Variants in FARP2 observed in about 807,000 individuals in gnomAD.
FARP2 encodes FERM, ARHGEF and pleckstrin domain-containing protein 2.
Under a neutral mutation model 130.5 loss-of-function variants are expected in FARP2, and 111 were observed. The ratio of observed to expected loss-of-function variants is 0.85; its 90% confidence interval spans 0.73 to 1.00. FARP2 has a LOEUF of 1.00. FARP2 is among the 50% of genes least tolerant of loss of function. FARP2 has a pLI of 0.00. For missense variants in FARP2, 1,385 were observed against 1,346.3 expected, an observed-to-expected ratio of 1.03 and a Z score of -0.45; for synonymous variants, 504 against 516.9, an observed-to-expected ratio of 0.98 and a Z score of 0.34.
chr2:241,492,966 A>ACAGT lies in FARP2; in HGVS notation c.2828_2831dup (p.His944GlnfsTer25). 1 of 1,613,070 alleles carries ACAGT rather than the reference A, an allele frequency of 6.2e-7. No individual in the cohort carries two copies. The highest frequency in any genetic ancestry group is 1.1e-5 in the South Asian group (1 of 91,060). The stretch of plus-strand genomic sequence containing the variant: ...GGATATCTGCTAAGAAAGTTCAAAA[A>ACAGT]CAGTCATGGCTGGCAGAAGCTCTGG... On this transcript the variant is annotated frameshift_variant, in exon 25 of 27. Coordinates refer to ENST00000264042, the MANE Select transcript of FARP2 (RefSeq NM_014808.4). LOFTEE classifies it high-confidence loss of function.
chr2:241,406,366 TTTA>T, intron 4 of FARP2, among the ~76,000 whole-genome samples: 2 of 149,130 alleles, frequency 1.3e-5, no homozygotes, highest in Non-Finnish European at 3.0e-5. Context: ...TCTCTCTCTC[TTTA>T]TATATATATA....
chr2:241,466,691 C>G, intron 17 of FARP2: 2 of 469,694 alleles, frequency 4.3e-6, no homozygotes, highest in Middle Eastern at 1.0e-3. Flanking sequence ...TTCCAACCAC[C>G]CCCCCCCCCA....
rs71406464 is a variant in FARP2 at position 241,486,287 on chromosome 2, CT to C, written c.2421+1978del. 9.0e-3 allele frequency among the ~76,000 whole-genome samples: 936 copies of C among 103,856 alleles called. 5 individuals are homozygous for C. Among genetic ancestry groups the C allele is most frequent in the African/African-American group, 0.024 (641 of 26,272 alleles). 68.1% of individuals were successfully genotyped at this position (103,856 alleles called of 152,430 possible). A position where few individuals can be genotyped will look rare whatever the true frequency, so the allele number is the denominator to read the frequency against. On this transcript the variant is annotated intron_variant, in intron 21 of 26. Transcript: ENST00000264042. ...ATGGCGAAGCCAAATCTCCAAAAAT[CT>C]TTTTTTTTTTTTTTTTTTTTTAATT...
chr2:241,366,142 C>CATATATATAT (rs2061315876), intron 1 of FARP2, among the ~76,000 whole-genome samples: 2 of 20,332 alleles, frequency 9.8e-5, no homozygotes, highest in African/African-American at 3.4e-4. Flanking sequence ...TATATATACA[C>CATATATATAT]ACACACATAT....
intron 14 of FARP2, among the ~76,000 whole-genome samples, chr2:241,461,007 C>G (rs2064001610): frequency 6.6e-6 from 1 of 152,174 alleles, no homozygotes; most frequent in African/African-American, 2.4e-5. Context: ...CCTCTGTTGT[C>G]CTCTCATCCA....
At chr2:241,381,117 G>T (rs2061652075) in intron 2 of FARP2, among the ~76,000 whole-genome samples, 1 of 152,148 alleles carries the variant, frequency 6.6e-6, no homozygotes, top group Non-Finnish European at 1.5e-5. Context: ...TGTTCTGCCA[G>T]TCTCTTTGTT....
At chr2:241,406,569 C>T (rs1156827116) in intron 4 of FARP2, among the ~76,000 whole-genome samples, 2 of 151,680 alleles carry the variant, frequency 1.3e-5, no homozygotes, top group African/African-American at 2.4e-5. Context: ...ACCTTGGCCT[C>T]CCAAGTAGCT....
At position 241,471,840 on chromosome 2, in the gene FARP2, C is replaced by T. The variant is rs1476077448; in HGVS notation, c.2131+3463C>T. 2.6e-5 allele frequency among the ~76,000 whole-genome samples: 4 copies of T among 151,538 alleles called. No individual in the cohort carries two copies. The East Asian group carries it at 5.9e-4, about 22-fold the overall frequency. ...ACCCTATTTTGTGGGGCATCTTGTT[C>T]TTGTGAGGACGCTGTTCTGAAGGGA... On this transcript the variant is annotated intron_variant, in intron 18 of 26. Coordinates refer to ENST00000264042, the MANE Select transcript of FARP2 (RefSeq NM_014808.4).
At chr2:241,360,647 C>T (rs981194050) in intron 1 of FARP2, among the ~76,000 whole-genome samples, 1 of 144,590 alleles carries the variant, frequency 6.9e-6, no homozygotes, top group African/African-American at 2.6e-5. Flanking sequence ...GCACTCCAGC[C>T]TGGGTGACAG....
intron 13 of FARP2, chr2:241,446,506 G>A (rs1020101329): frequency 6.6e-6 from 1 of 152,166 alleles, no homozygotes; most frequent in African/African-American, 2.4e-5. Context: ...AGGAGTAATT[G>A]TAGCACTTCA....
intron 13 of FARP2, chr2:241,446,702 C>G (rs1393196047): frequency 6.6e-6 from 1 of 152,170 alleles, no homozygotes; most frequent in Non-Finnish European, 1.5e-5. Context: ...TGTTAATGTT[C>G]TCTTGGGGAC....
rs757219164 is a variant in FARP2, at chr2:241,441,683, A to G, written c.1411+127A>G. On this transcript the variant is annotated intron_variant, in intron 13 of 26. Transcript: ENST00000264042. ...CTCAGCGCTGCTTGTAAAAATGACAATGGTGGGGATGACTTTACCACAGGC... is the reference window on the plus strand; with the variant it reads ...CTCAGCGCTGCTTGTAAAAATGACAGTGGTGGGGATGACTTTACCACAGGC... The G allele has an allele frequency of 1.4e-4, 188 of 1,327,404 alleles. 1 individual carries two copies. Among genetic ancestry groups the G allele is most frequent in the Middle Eastern group, 5.4e-4 (3 of 5,524 alleles). 82.2% of individuals were successfully genotyped at this position (1,327,404 alleles called of 1,614,324 possible).
At chr2:241,442,538 TCTGGGTTCCTTTAC>T in intron 13 of FARP2, 1 of 449,184 alleles carries the variant, frequency 2.2e-6, no homozygotes, top group South Asian at 1.6e-5. Flanking sequence ...TCTTGACCAC[TCTGGGTTCCTTTAC>T]AAGGCAACCC....
At chr2:241,462,669 A>C in intron 15 of FARP2, 57 bp downstream of exon 15, 1 of 1,124,996 alleles carries the variant, frequency 8.9e-7, no homozygotes, top group Non-Finnish European at 1.3e-6. Flanking sequence ...TCATCTGAAC[A>C]CAGAGAAATA....
chr2:241,376,580 G>A (rs549157883), intron 2 of FARP2, among the ~76,000 whole-genome samples: 3 of 152,258 alleles, frequency 2.0e-5, no homozygotes, highest in Admixed American at 6.5e-5. Context: ...GGCTTGTCCC[G>A]CCCCCCTTCC....
At chr2:241,417,913 T>C in intron 7 of FARP2, 49 bp from the exon 8 acceptor site, 1 of 1,601,932 alleles carries the variant, frequency 6.2e-7, no homozygotes, top group Non-Finnish European at 8.5e-7. Context: ...TTTGGCTCTT[T>C]CAGAAATCAA....
chr2:241,429,160 C>A (rs1332670833), intron 8 of FARP2, among the ~76,000 whole-genome samples: 1 of 152,164 alleles, frequency 6.6e-6, no homozygotes, highest in African/African-American at 2.4e-5. Context: ...ATTTTGAAAC[C>A]ATTTCAAGCT....
chr2:241,373,061 G>GTT, intron 1 of FARP2, 23 bp from the exon 2 acceptor site: 3 of 1,118,288 alleles, frequency 2.7e-6, no homozygotes, highest in Non-Finnish European at 3.6e-6. Context: ...TCCTTCATGT[G>GTT]GTTTTTTTTT....
intron 21 of FARP2, among the ~76,000 whole-genome samples, chr2:241,486,322 A>G (rs1210362612): frequency 6.9e-6 from 1 of 144,912 alleles, no homozygotes; most frequent in East Asian, 2.0e-4. Context: ...TTAGCTGAGC[A>G]AAAGTGGTGT....
Sources: gnomAD v4.1 joint callset for allele counts (sites outside exome capture counted in the v4.1 genomes callset) on GRCh38, gnomAD v4.1.1 for gene constraint, MANE v1.5 for transcripts, NCBI Gene and HGNC (gene_info 2026-07-23, HGNC 2026-07-21) for gene names.